KCNH5: variants seen among roughly 807,000 people sequenced by gnomAD.
KCNH5 encodes voltage-gated delayed rectifier potassium channel KCNH5.
In KCNH5, 46 loss-of-function variants were observed where a neutral mutation model predicts 96.1. That is an observed-to-expected ratio of 0.48 (90% CI 0.38 to 0.61). The LOEUF (loss-of-function observed/expected upper bound fraction) is 0.61. Among genes scored for constraint, KCNH5 ranks in the 20% least tolerant of loss-of-function variants. The probability of loss-of-function intolerance (pLI) is 0.00; values close to 1 mark genes in which losing one functional copy is unlikely to be tolerated. For synonymous variants in KCNH5, 439 were observed against 449.8 expected (o/e 0.98, Z 0.30); for missense variants, 907 against 1,225.8 (o/e 0.74, Z 3.88).
intron 8 of KCNH5, among the ~76,000 whole-genome samples, chr14:62,814,825 C>T (rs113291982): frequency 0.014 from 1,757 of 130,136 alleles, 45 homozygotes; most frequent in African/African-American, 0.047. Context: ...TGAGTCACTT[C>T]ATACGAAGTG....
Position 62,707,584 on chromosome 14 carries a change from T to TG in KCNH5, c.2890dup (p.Gln964ProfsTer9), listed in dbSNP as rs35940222. 112 of 1,527,874 alleles carry TG rather than the reference T, an allele frequency of 7.3e-5. No individual in the cohort carries two copies. Among genetic ancestry groups the TG allele is most frequent in the African/African-American group, 1.2e-4 (9 of 72,328 alleles). The allele number at this position is 1,527,874 out of a possible 1,614,324, so 94.6% of individuals were successfully genotyped here. The stretch of plus-strand genomic sequence containing the variant: ...ACTAAAAATATCCTGACATGGTATC[T>TG]GGGGGGGTACTTGGAGTGGCATTTG... On this transcript the variant is annotated frameshift_variant, in exon 11 of 11. Transcript: ENST00000322893. LOFTEE classifies it high-confidence loss of function.
chr14:62,706,481 T>C lies in KCNH5; in HGVS notation c.*1027A>G, dbSNP rs935688930. 1 of 152,184 alleles carries C rather than the reference T, an allele frequency of 6.6e-6. No homozygotes were observed. Among genetic ancestry groups the C allele is most frequent in the Non-Finnish European group, 1.5e-5 (1 of 67,988 alleles). The allele number at this position is 152,184 out of a possible 1,614,324, so 9.4% of individuals were successfully genotyped here. On this transcript the variant is annotated 3_prime_UTR_variant, in exon 11 of 11. Transcript: ENST00000322893. ...AGTGTTTCATTCTTTCTAAGTTATA[T>C]ACATGCCACAAAAATTTATCTATCT... is the stretch of plus-strand genomic sequence containing the variant.
At chr14:62,853,766 T>C (rs1295048955) in intron 7 of KCNH5, among the ~76,000 whole-genome samples, 1 of 151,542 alleles carries the variant, frequency 6.6e-6, no homozygotes, top group African/African-American at 2.4e-5. Flanking sequence ...TCTCAGCATT[T>C]TGGGAGGCCA....
intron 1 of KCNH5, among the ~76,000 whole-genome samples, chr14:63,027,500 A>C (rs971019512): frequency 3.3e-5 from 5 of 150,200 alleles, no homozygotes; most frequent in Non-Finnish European, 7.4e-5. Flanking sequence ...AAAAACTCTG[A>C]GTTGTTATGT....
intron 9 of KCNH5, among the ~76,000 whole-genome samples, chr14:62,790,068 CT>C (rs35827048): frequency 3.9e-4 from 58 of 148,158 alleles, no homozygotes; most frequent in Admixed American, 2.0e-3. Flanking sequence ...TTTGAGTTGA[CT>C]TTTTTTTTTG....
rs148785320 is a variant in KCNH5 at position 62,778,540 on chromosome 14, G to A, written c.2019+1188C>T. The stretch of plus-strand genomic sequence containing the variant: ...ACTCTGAGCTCCCTAACACATAAGT[G>A]AGAAACTTCCACATTTAGTTAATAT... On this transcript the variant is annotated intron_variant, in intron 10 of 10. Transcript: ENST00000322893. 4.6e-5 allele frequency among the ~76,000 whole-genome samples: 7 copies of A among 152,298 alleles called. No homozygotes were observed. In the East Asian group the frequency reaches 1.3e-3, roughly 29 times the overall value.
intron 8 of KCNH5, among the ~76,000 whole-genome samples, chr14:62,844,917 T>A (rs983457907): frequency 6.6e-6 from 1 of 152,172 alleles, no homozygotes; most frequent in African/African-American, 2.4e-5. Flanking sequence ...GAAATCTCAG[T>A]CATTGGGGCG....
At chr14:62,744,341 G>T (rs935445906) in intron 10 of KCNH5, among the ~76,000 whole-genome samples, 15 of 152,172 alleles carry the variant, frequency 9.9e-5, no homozygotes, top group African/African-American at 3.6e-4. Context: ...TGAAGGACAT[G>T]TAAGATACTG....
At chr14:62,952,764 T>A (rs549843827) in intron 6 of KCNH5, among the ~76,000 whole-genome samples, 37 of 152,220 alleles carry the variant, frequency 2.4e-4, no homozygotes, top group African/African-American at 8.9e-4. Context: ...TGTCATGAGT[T>A]AGGACCTACT....
At chr14:63,036,594 G>A (rs1891726520) in intron 1 of KCNH5, among the ~76,000 whole-genome samples, 1 of 152,008 alleles carries the variant, frequency 6.6e-6, no homozygotes, top group Admixed American at 6.6e-5. Flanking sequence ...TACAAGAAGA[G>A]AAATCCTGTA....
chr14:62,740,034 C>T (rs1049971471), intron 10 of KCNH5, among the ~76,000 whole-genome samples: 1 of 152,054 alleles, frequency 6.6e-6, no homozygotes, highest in African/African-American at 2.4e-5. Context: ...CAAACATAGA[C>T]CATATAAATA....
At chr14:62,771,758 AAT>A (rs1454906720) in intron 10 of KCNH5, among the ~76,000 whole-genome samples, 1 of 152,168 alleles carries the variant, frequency 6.6e-6, no homozygotes, top group Non-Finnish European at 1.5e-5. Flanking sequence ...ATCAACATCC[AAT>A]GGGCCCCACT....
chr14:62,894,176 A>G (rs888228589), intron 7 of KCNH5, among the ~76,000 whole-genome samples: 4 of 152,228 alleles, frequency 2.6e-5, no homozygotes, highest in African/African-American at 9.6e-5. Flanking sequence ...ACAAAAAATT[A>G]TGAGAGACTC....
chr14:62,830,607 A>G (rs904169448), intron 8 of KCNH5, among the ~76,000 whole-genome samples: 3 of 151,800 alleles, frequency 2.0e-5, no homozygotes, highest in African/African-American at 7.2e-5. Context: ...ACTCACTATC[A>G]TGAGAGAACA....
chr14:62,904,457 T>A (rs1888988045), intron 7 of KCNH5, among the ~76,000 whole-genome samples: 1 of 152,146 alleles, frequency 6.6e-6, no homozygotes, highest in Non-Finnish European at 1.5e-5. Context: ...CCTCACATCT[T>A]CAGCAAAATC....
At chr14:62,746,947 A>G (rs751610342) in intron 10 of KCNH5, among the ~76,000 whole-genome samples, 1 of 152,246 alleles carries the variant, frequency 6.6e-6, no homozygotes, top group Admixed American at 6.5e-5. Flanking sequence ...CAAACACGCT[A>G]TCATGTTAAG....
intron 7 of KCNH5, among the ~76,000 whole-genome samples, chr14:62,905,668 T>C (rs1260652449): frequency 6.6e-6 from 1 of 152,192 alleles, no homozygotes; most frequent in African/African-American, 2.4e-5. Flanking sequence ...CCCAACTTCC[T>C]GCTCAGTGAA....
Position 62,706,163 on chromosome 14 carries a change from T to C in KCNH5, c.*1345A>G, listed in dbSNP as rs565885104. 1 of 152,284 alleles carries C rather than the reference T, an allele frequency of 6.6e-6. No homozygotes were observed. The highest frequency in any genetic ancestry group is 2.1e-4 in the South Asian group (1 of 4,832). The allele number at this position is 152,284 out of a possible 1,614,324, so 9.4% of individuals were successfully genotyped here. Reference sequence around the variant, plus strand: ...TTTAAAAACTTGATAATAGGCACTTTCTACAAAGAGGATTTGAATTCAAAA... The same window carrying C: ...TTTAAAAACTTGATAATAGGCACTTCCTACAAAGAGGATTTGAATTCAAAA... On this transcript the variant is annotated 3_prime_UTR_variant, in exon 11 of 11. Coordinates refer to ENST00000322893, the MANE Select transcript of KCNH5 (RefSeq NM_139318.5).
At chr14:62,790,933 A>G (rs546757246) in intron 9 of KCNH5, among the ~76,000 whole-genome samples, 3 of 151,860 alleles carry the variant, frequency 2.0e-5, no homozygotes, top group Non-Finnish European at 3.0e-5. Flanking sequence ...AGATAATTTT[A>G]CTTTTTTCTT....
Sources: allele counts gnomAD v4.1 joint callset (sites outside exome capture counted in the v4.1 genomes callset), GRCh38; gene constraint gnomAD v4.1.1; transcripts MANE v1.5; gene names NCBI Gene and HGNC (gene_info 2026-07-23, HGNC 2026-07-21).